GABRB1: variants seen among roughly 807,000 people sequenced by gnomAD.
GABRB1 encodes gamma-aminobutyric acid receptor subunit beta-1.
Under a neutral mutation model 51.6 loss-of-function variants are expected in GABRB1, and 17 were observed. That is an observed-to-expected ratio of 0.33 (90% CI 0.23 to 0.49). The LOEUF (loss-of-function observed/expected upper bound fraction) is 0.49. GABRB1 is among the 20% of genes least tolerant of loss of function. The pLI, the probability that GABRB1 is intolerant of heterozygous loss-of-function variation, is 0.99. For synonymous variants in GABRB1, 247 were observed against 218.9 expected (o/e 1.13, Z -1.14); for missense variants, 410 against 600.6 (o/e 0.68, Z 3.32).
chr4:47,034,218 T>TA (rs1177344151), intron 3 of GABRB1, among the ~76,000 whole-genome samples: 2 of 152,200 alleles, frequency 1.3e-5, no homozygotes, highest in Non-Finnish European at 2.9e-5. Flanking sequence ...TTCAGAATTT[T>TA]AAAAAATATA....
chr4:47,121,007 A>C (rs1715752690), intron 3 of GABRB1, among the ~76,000 whole-genome samples: 1 of 152,180 alleles, frequency 6.6e-6, no homozygotes, highest in South Asian at 2.1e-4. Flanking sequence ...ACTGGCTCTG[A>C]GCCCAGGACA....
chr4:47,135,161 T>C (rs565755461), intron 3 of GABRB1, among the ~76,000 whole-genome samples: 439 of 152,110 alleles, frequency 2.9e-3, no homozygotes, highest in Non-Finnish European at 4.1e-3. Flanking sequence ...AGTAGTAAAA[T>C]ATTTTCTTCC....
At chr4:47,155,033 T>C (rs1404591446) in intron 3 of GABRB1, among the ~76,000 whole-genome samples, 1 of 152,096 alleles carries the variant, frequency 6.6e-6, no homozygotes, top group Non-Finnish European at 1.5e-5. Context: ...TCTCAACTTT[T>C]TCGAGCCAGG....
chr4:47,374,066 G>A (rs765941894), intron 5 of GABRB1, among the ~76,000 whole-genome samples: 3 of 152,122 alleles, frequency 2.0e-5, no homozygotes, highest in Non-Finnish European at 4.4e-5. Context: ...ACCATGCAAA[G>A]CCCTTGAGAA....
intron 4 of GABRB1, among the ~76,000 whole-genome samples, chr4:47,275,287 A>G (rs1022045680): frequency 3.3e-5 from 5 of 152,156 alleles, no homozygotes; most frequent in African/African-American, 9.6e-5. Context: ...GGCTTAAATA[A>G]TCACTTCATT....
At chr4:47,403,761 A>T (rs1455795760) in intron 7 of GABRB1, 50 bp downstream of exon 7, 1 of 1,576,006 alleles carries the variant, frequency 6.3e-7, no homozygotes, top group Non-Finnish European at 8.6e-7. Context: ...ACTTTCAAAC[A>T]AATAACCAAT....
chr4:47,161,729 G>A (rs1212950483), intron 4 of GABRB1, among the ~76,000 whole-genome samples: 1 of 151,958 alleles, frequency 6.6e-6, no homozygotes, highest in Non-Finnish European at 1.5e-5. Context: ...TATGTAAAGT[G>A]GTGGCTCTTT....
intron 4 of GABRB1, among the ~76,000 whole-genome samples, chr4:47,269,195 G>A (rs1722758952): frequency 6.6e-6 from 1 of 152,116 alleles, no homozygotes; most frequent in African/African-American, 2.4e-5. Flanking sequence ...ATATACAGAT[G>A]TATTTTAAAT....
chr4:47,205,680 T>C (rs1451590152), intron 4 of GABRB1, among the ~76,000 whole-genome samples: 1 of 152,160 alleles, frequency 6.6e-6, no homozygotes, highest in Non-Finnish European at 1.5e-5. Context: ...AATATTTTGC[T>C]TTGTTAATTA....
At chr4:47,324,971 C>G (rs532742461) in intron 5 of GABRB1, among the ~76,000 whole-genome samples, 5 of 152,258 alleles carry the variant, frequency 3.3e-5, no homozygotes, top group Admixed American at 2.0e-4. Context: ...CATTTCTCCC[C>G]CGCTCTATTG....
intron 5 of GABRB1, among the ~76,000 whole-genome samples, chr4:47,389,299 T>C (rs1033497199): frequency 3.3e-5 from 5 of 152,344 alleles, no homozygotes; most frequent in Non-Finnish European, 7.3e-5. Flanking sequence ...TCTTCCCTTT[T>C]ATGGGCTGAC....
chr4:47,337,300 C>A (rs1725733883), intron 5 of GABRB1, among the ~76,000 whole-genome samples: 1 of 152,108 alleles, frequency 6.6e-6, no homozygotes, highest in Non-Finnish European at 1.5e-5. Context: ...GGCCTAATAC[C>A]AGGGATGTAG....
intron 8 of GABRB1, among the ~76,000 whole-genome samples, chr4:47,413,301 G>A (rs966542607): frequency 1.3e-5 from 2 of 152,088 alleles, no homozygotes; most frequent in Non-Finnish European, 2.9e-5. Context: ...TAATAATACA[G>A]CATTACCATC....
At chr4:47,099,696 T>C (rs1714638495) in intron 3 of GABRB1, among the ~76,000 whole-genome samples, 1 of 152,036 alleles carries the variant, frequency 6.6e-6, no homozygotes, top group Non-Finnish European at 1.5e-5. Context: ...TCTGTAGAGC[T>C]GGTGAGTTGT....
At chr4:47,185,920 C>T (rs1289617067) in intron 4 of GABRB1, among the ~76,000 whole-genome samples, 1 of 151,820 alleles carries the variant, frequency 6.6e-6, no homozygotes, top group Admixed American at 6.6e-5. Context: ...TTGCTGCTCT[C>T]TTTGGAACAT....
intron 1 of GABRB1, among the ~76,000 whole-genome samples, chr4:47,017,460 G>T (rs1316633821): frequency 6.6e-6 from 1 of 152,176 alleles, no homozygotes; most frequent in African/African-American, 2.4e-5. Flanking sequence ...TGGGAAATAT[G>T]AGATAGACTT....
chr4:47,227,477 C>A (rs1454050451), intron 4 of GABRB1, among the ~76,000 whole-genome samples: 1 of 152,094 alleles, frequency 6.6e-6, no homozygotes, highest in African/African-American at 2.4e-5. Context: ...TCAGAAACAC[C>A]TGTGACAGAG....
chr4:47,218,752 G>T (rs1450253520), intron 4 of GABRB1, among the ~76,000 whole-genome samples: 1 of 151,662 alleles, frequency 6.6e-6, no homozygotes, highest in African/African-American at 2.4e-5. Context: ...GCATTCCAAG[G>T]CTTATTGTGT....
intron 7 of GABRB1, among the ~76,000 whole-genome samples, chr4:47,405,396 T>C (rs549512461): frequency 6.6e-6 from 1 of 152,338 alleles, no homozygotes; most frequent in South Asian, 2.1e-4. Flanking sequence ...CCATTCCCTT[T>C]GGAAGTTCTC....
Sources: gnomAD v4.1 joint callset for allele counts (sites outside exome capture counted in the v4.1 genomes callset) on GRCh38, gnomAD v4.1.1 for gene constraint, MANE v1.5 for transcripts, NCBI Gene and HGNC (gene_info 2026-07-23, HGNC 2026-07-21) for gene names.